Variants in CSNK1G3 observed in about 807,000 individuals in gnomAD.
CSNK1G3 encodes the protein casein kinase 1 gamma 3.
A neutral mutation model predicts 64.3 loss-of-function variants in CSNK1G3; 23 were observed. That is an observed-to-expected ratio of 0.36 (90% CI 0.26 to 0.51). The LOEUF is 0.51. Among genes scored for constraint, CSNK1G3 ranks in the 20% least tolerant of loss-of-function variants. The pLI is 0.96. For missense variants in CSNK1G3, 357 were observed against 510.5 expected, an observed-to-expected ratio of 0.70 and a Z score of 2.90; for synonymous variants, 158 against 162.2, an observed-to-expected ratio of 0.97 and a Z score of 0.20.
At chr5:123,534,971 A>C (rs1195122403) in intron 1 of CSNK1G3, among the ~76,000 whole-genome samples, 1 of 152,192 alleles carries the variant, frequency 6.6e-6, no homozygotes, top group East Asian at 1.9e-4. Flanking sequence ...TTGAGAACGA[A>C]TAACTCCATT....
intron 4 of CSNK1G3, among the ~76,000 whole-genome samples, chr5:123,573,007 T>C (rs909378210): frequency 2.6e-5 from 4 of 152,186 alleles, no homozygotes; most frequent in Admixed American, 2.6e-4. Context: ...GCCTATCACA[T>C]GGTTATTAAA....
intron 4 of CSNK1G3, among the ~76,000 whole-genome samples, chr5:123,558,940 C>T (rs1290831615): frequency 6.6e-6 from 1 of 152,142 alleles, no homozygotes; most frequent in African/African-American, 2.4e-5. Flanking sequence ...CATGTCAAGT[C>T]TCTATGATAT....
chr5:123,526,840 TTGTGTGTG>T (rs34275675), intron 1 of CSNK1G3, among the ~76,000 whole-genome samples: 48 of 126,750 alleles, frequency 3.8e-4, no homozygotes, highest in African/African-American at 1.1e-3. Flanking sequence ...CATGTACAGA[TTGTGTGTG>T]TGTGTGTGTG....
intron 2 of CSNK1G3, among the ~76,000 whole-genome samples, chr5:123,549,441 A>G (rs905972491): frequency 3.9e-5 from 6 of 152,184 alleles, no homozygotes; most frequent in East Asian, 1.9e-4. Context: ...GCTCTAACCA[A>G]TCCACACTCC....
At chr5:123,526,710 T>C (rs1779145723) in intron 1 of CSNK1G3, among the ~76,000 whole-genome samples, 1 of 152,218 alleles carries the variant, frequency 6.6e-6, no homozygotes. Context: ...GCAGAATGCA[T>C]TTGAGAATCA....
intron 1 of CSNK1G3, among the ~76,000 whole-genome samples, chr5:123,528,816 T>C (rs1274603334): frequency 6.6e-6 from 1 of 152,194 alleles, no homozygotes; most frequent in African/African-American, 2.4e-5. Context: ...ATAGATTCCA[T>C]ATTTGTAAAT....
At chr5:123,541,786 A>G (rs1037122263) in intron 1 of CSNK1G3, among the ~76,000 whole-genome samples, 3 of 151,868 alleles carry the variant, frequency 2.0e-5, no homozygotes, top group East Asian at 1.9e-4. Flanking sequence ...GCTTTTTTAT[A>G]TAGTCTGACA....
At chr5:123,606,092 C>A (rs199921543) in intron 12 of CSNK1G3, among the ~76,000 whole-genome samples, 6 of 151,852 alleles carry the variant, frequency 4.0e-5, no homozygotes, top group African/African-American at 1.2e-4. Flanking sequence ...CTAAAGGCAC[C>A]TTATATAATT....
intron 1 of CSNK1G3, among the ~76,000 whole-genome samples, chr5:123,520,070 C>T (rs767331499): frequency 6.6e-6 from 1 of 152,036 alleles, no homozygotes; most frequent in Non-Finnish European, 1.5e-5. Flanking sequence ...AAGCAGTCAA[C>T]AACAATGACA....
intron 2 of CSNK1G3, among the ~76,000 whole-genome samples, chr5:123,546,870 G>A (rs915937003): frequency 6.6e-6 from 1 of 152,020 alleles, no homozygotes; most frequent in African/African-American, 2.4e-5. Context: ...GCCAATAAAA[G>A]GCAATGATAT....
intron 11 of CSNK1G3, 53 bp from the exon 13 acceptor site, chr5:123,605,286 T>TTCTC (rs768630902): frequency 2.1e-6 from 3 of 1,457,174 alleles, no homozygotes; most frequent in African/African-American, 1.4e-5. Flanking sequence ...CTGTTTCTGA[T>TTCTC]TCTCTCTCTC....
chr5:123,580,443 G>A (rs572049509), intron 6 of CSNK1G3, among the ~76,000 whole-genome samples: 1 of 151,998 alleles, frequency 6.6e-6, no homozygotes, highest in Non-Finnish European at 1.5e-5. Flanking sequence ...AGTATCTGTT[G>A]ATCTTAACTA....
chr5:123,558,646 G>C (rs1324605212), intron 4 of CSNK1G3, among the ~76,000 whole-genome samples: 1 of 152,098 alleles, frequency 6.6e-6, no homozygotes, highest in Admixed American at 6.6e-5. Context: ...AGTTTTAAAT[G>C]TTGTAGTAAT....
intron 6 of CSNK1G3, among the ~76,000 whole-genome samples, chr5:123,583,971 G>C (rs1302967858): frequency 6.6e-6 from 1 of 152,088 alleles, no homozygotes; most frequent in African/African-American, 2.4e-5. Context: ...GAGATTACAG[G>C]TGTGAGCCAC....
At chr5:123,547,660 A>G (rs759911875) in intron 2 of CSNK1G3, among the ~76,000 whole-genome samples, 12 of 152,184 alleles carry the variant, frequency 7.9e-5, no homozygotes, top group Middle Eastern at 3.4e-3. Context: ...TATTCTATCT[A>G]TCTAATTTGT....
intron 4 of CSNK1G3, 84 bp from the exon 5 acceptor site, chr5:123,573,309 A>C (rs1262543292): frequency 1.4e-6 from 2 of 1,436,012 alleles, no homozygotes; most frequent in Non-Finnish European, 1.9e-6. Context: ...TTGAAACTAT[A>C]AAATTTTAAA....
intron 6 of CSNK1G3, 148 bp downstream of exon 6, chr5:123,576,111 A>C (rs1312665843): frequency 1.8e-6 from 1 of 540,940 alleles, no homozygotes; most frequent in African/African-American, 1.9e-5. Flanking sequence ...GTTTACTTTC[A>C]CTTATATTTT....
intron 4 of CSNK1G3, among the ~76,000 whole-genome samples, chr5:123,572,758 C>G (rs1196184817): frequency 6.6e-6 from 1 of 152,214 alleles, no homozygotes; most frequent in African/African-American, 2.4e-5. Context: ...TTTCCAATAT[C>G]TCTGACTTCT....
At chr5:123,586,897 G>A (rs1187797405) in intron 6 of CSNK1G3, among the ~76,000 whole-genome samples, 2 of 152,284 alleles carry the variant, frequency 1.3e-5, no homozygotes, top group Non-Finnish European at 2.9e-5. Context: ...ACGGCAGAAG[G>A]CAAGGAGGAG....
Sources: allele counts gnomAD v4.1 joint callset (sites outside exome capture counted in the v4.1 genomes callset), GRCh38; gene constraint gnomAD v4.1.1; transcripts MANE v1.5; gene names NCBI Gene and HGNC (gene_info 2026-07-23, HGNC 2026-07-21).